Variants in PIP4K2B observed in about 807,000 individuals in gnomAD.
PIP4K2B encodes the protein phosphatidylinositol 5-phosphate 4-kinase type-2 beta.
Under a neutral mutation model 42.0 loss-of-function variants are expected in PIP4K2B, and 3 were observed. The ratio of observed to expected loss-of-function variants is 0.07; its 90% CI spans 0.03 to 0.18. The LOEUF is 0.18. PIP4K2B is among the 10% of genes least tolerant of loss of function. The probability of loss-of-function intolerance (pLI) is 1.00; values close to 1 mark genes in which losing one functional copy is unlikely to be tolerated. For synonymous variants in PIP4K2B, 204 were observed against 210.1 expected, an observed-to-expected ratio of 0.97 and a Z score of 0.25; for missense variants, 332 against 562.3, an observed-to-expected ratio of 0.59 and a Z score of 4.14.
rs1908855658 is a variant in PIP4K2B, at chr17:38,768,931, A to C, written c.*760T>G. ...GGGTTCTCTGAGAACCAGGTGTCCA[A>C]GAGCCCAGCCGCTTTCCTGCCCCTC... On this transcript the variant is annotated 3_prime_UTR_variant, in exon 10 of 10. Transcript: ENST00000619039. The C allele has an allele frequency of 6.6e-6, 1 of 152,646 alleles. No individual in the cohort carries two copies. The highest frequency in any genetic ancestry group is 2.4e-5 in the African/African-American group (1 of 41,458). The allele number at this position is 152,646 out of a possible 1,614,324, so 9.5% of individuals were successfully genotyped here.
intron 1 of PIP4K2B, among the ~76,000 whole-genome samples, chr17:38,793,731 T>C (rs1045002198): frequency 2.0e-5 from 3 of 151,540 alleles, no homozygotes; most frequent in Admixed American, 6.6e-5. Context: ...GTTAGTCGGG[T>C]GTGGTGGCAT....
Position 38,769,060 on chromosome 17 carries a change from C to T in PIP4K2B, c.*631G>A, listed in dbSNP as rs1034768791. The T allele has an allele frequency of 6.6e-6, 1 of 152,624 alleles. No homozygotes were observed. Among genetic ancestry groups the T allele is most frequent in the Admixed American group, 6.5e-5 (1 of 15,312 alleles). 9.5% of individuals were successfully genotyped at this position (152,624 alleles called of 1,614,324 possible). A position where few individuals can be genotyped will look rare whatever the true frequency, so the allele number is the denominator to read the frequency against. On this transcript the variant is annotated 3_prime_UTR_variant, in exon 10 of 10. Coordinates refer to ENST00000619039, the MANE Select transcript of PIP4K2B (RefSeq NM_003559.5). ...TTCCAGACAGGATGGAGGAATAATG[C>T]AACAGTTTTCACTTGAATCCAAGGG... is the stretch of plus-strand genomic sequence containing the variant.
At chr17:38,789,075 C>T (rs776034366) in intron 1 of PIP4K2B, among the ~76,000 whole-genome samples, 2 of 152,110 alleles carry the variant, frequency 1.3e-5, no homozygotes, top group African/African-American at 4.8e-5. Flanking sequence ...GCTGACTGCA[C>T]CACTGCACTG....
At chr17:38,777,233 T>A (rs1255479264) in intron 7 of PIP4K2B, among the ~76,000 whole-genome samples, 1 of 152,110 alleles carries the variant, frequency 6.6e-6, no homozygotes, top group African/African-American at 2.4e-5. Flanking sequence ...CTGGCTAAAT[T>A]TTTTAATTTT....
intron 7 of PIP4K2B, among the ~76,000 whole-genome samples, chr17:38,772,994 G>GA (rs561972054): frequency 7.0e-4 from 106 of 152,134 alleles, no homozygotes; most frequent in South Asian, 2.7e-3. Context: ...TGTGAAGAAG[G>GA]AAAAAAAATT....
At chr17:38,790,620 T>A (rs1332165963) in intron 1 of PIP4K2B, among the ~76,000 whole-genome samples, 3 of 152,118 alleles carry the variant, frequency 2.0e-5, no homozygotes, top group Non-Finnish European at 4.4e-5. Flanking sequence ...CACCATGCCC[T>A]GCTAATTTTT....
chr17:38,791,286 C>T (rs1016250424), intron 1 of PIP4K2B, among the ~76,000 whole-genome samples: 2 of 152,056 alleles, frequency 1.3e-5, no homozygotes, highest in African/African-American at 4.8e-5. Flanking sequence ...GGAGAATCTA[C>T]AAGATCATGC....
At chr17:38,797,855 C>T (rs1910738786) in intron 1 of PIP4K2B, among the ~76,000 whole-genome samples, 1 of 152,150 alleles carries the variant, frequency 6.6e-6, no homozygotes, top group Non-Finnish European at 1.5e-5. Context: ...ACAAACTGGG[C>T]TGGATTGTTG....
intron 7 of PIP4K2B, among the ~76,000 whole-genome samples, chr17:38,772,436 AGTAGCTGTCC>A (rs1909099307): frequency 1.3e-5 from 2 of 152,214 alleles, no homozygotes; most frequent in Admixed American, 1.3e-4. Flanking sequence ...TTAGTCTTTC[AGTAGCTGTCC>A]GTAGCTGTCT....
intron 2 of PIP4K2B, among the ~76,000 whole-genome samples, chr17:38,785,660 CA>C (rs1484882783): frequency 1.3e-5 from 2 of 152,142 alleles, no homozygotes; most frequent in African/African-American, 4.8e-5. Context: ...GCCTGGGCAA[CA>C]AGAGTGAAAC....
At chr17:38,771,379 A>C in intron 7 of PIP4K2B, 107 bp from the exon 8 acceptor site, 2 of 1,303,960 alleles carry the variant, frequency 1.5e-6, no homozygotes, top group African/African-American at 1.5e-5. Flanking sequence ...CAATTCTACA[A>C]ACAGTTTTGA....
At chr17:38,778,448 C>G in intron 5 of PIP4K2B, 76 bp from the exon 6 acceptor site, 1 of 1,336,092 alleles carries the variant, frequency 7.5e-7, no homozygotes, top group Non-Finnish European at 1.1e-6. Context: ...GGAGAGCCAG[C>G]AGGTGAACTC....
At chr17:38,781,974 G>A (rs557987612) in intron 3 of PIP4K2B, among the ~76,000 whole-genome samples, 9 of 152,180 alleles carry the variant, frequency 5.9e-5, no homozygotes, top group Middle Eastern at 3.4e-3. Flanking sequence ...CACCATGCCC[G>A]GCTGATCAGG....
At position 38,799,351 on chromosome 17, in the gene PIP4K2B, T is replaced by TTCTTGG. The variant is rs1236548572; in HGVS notation, c.68_73dup (p.Thr23_Lys24dup). On this transcript the variant is annotated inframe_insertion, in exon 1 of 10. Transcript: ENST00000619039. This position sits in a 1 kb window ranked among gnomAD's most constrained non-coding sequence, Gnocchi z 4.4. Reference sequence around the variant, plus strand: ...CACTTTCTGGCACACGAAATGCTTCTTCTTGGTCTTGGTCTTGCTGGCGCT... The same window carrying TTCTTGG: ...CACTTTCTGGCACACGAAATGCTTCTTCTTGGTCTTGGTCTTGGTCTTGCTGGCGCT... The TTCTTGG allele has an allele frequency of 3.7e-6, 6 of 1,609,418 alleles. No individual in the cohort carries two copies. The highest frequency in any genetic ancestry group is 2.2e-5 in the East Asian group (1 of 44,474).
intron 1 of PIP4K2B, among the ~76,000 whole-genome samples, chr17:38,795,377 CG>C (rs1352509006): frequency 2.0e-5 from 3 of 152,050 alleles, no homozygotes; most frequent in Non-Finnish European, 4.4e-5. Context: ...GAGGCCAAGG[CG>C]GGAGGACCAC....
rs998151652 is a variant in PIP4K2B at position 38,769,848 on chromosome 17, T to A, written c.1171-77A>T. On this transcript the variant is annotated intron_variant, in intron 9 of 9. Coordinates refer to ENST00000619039, the MANE Select transcript of PIP4K2B (RefSeq NM_003559.5). ...AGGCTGCACATGGGGGGAGCCAGGG[T>A]ATTCAGAAGCCTCTTACTCAGTATC... 5.3e-6 allele frequency: 7 copies of A among 1,332,800 alleles called. No homozygotes were observed. In the African/African-American group the frequency reaches 5.8e-5, roughly 11 times the overall value. The allele number at this position is 1,332,800 out of a possible 1,614,324, so 82.6% of individuals were successfully genotyped here. A position where few individuals can be genotyped will look rare whatever the true frequency, so the allele number is the denominator to read the frequency against.
intron 3 of PIP4K2B, 29 bp downstream of exon 3, chr17:38,784,214 T>C (rs761971377): frequency 7.5e-7 from 1 of 1,335,744 alleles, no homozygotes; most frequent in South Asian, 1.2e-5. Context: ...CATTCCCTAA[T>C]CCACTGATGT....
chr17:38,797,530 T>A (rs1217301264), intron 1 of PIP4K2B, among the ~76,000 whole-genome samples: 1 of 152,174 alleles, frequency 6.6e-6, no homozygotes, highest in Non-Finnish European at 1.5e-5. Context: ...ATAAGCGACA[T>A]CTCTTGCTGT....
In PIP4K2B at chr17:38,771,282, G is replaced by T; in HGVS notation, c.808-10C>A. 1.2e-6 allele frequency: 2 copies of T among 1,613,970 alleles called. No homozygotes were observed. Among genetic ancestry groups the T allele is most frequent in the Non-Finnish European group, 1.7e-6 (2 of 1,179,892 alleles). On this transcript the variant is annotated splice_polypyrimidine_tract_variant and intron_variant, in intron 7 of 9. Coordinates refer to ENST00000619039, the MANE Select transcript of PIP4K2B (RefSeq NM_003559.5). ...TCAGCTGTGCCAAGAACTAGGAAGGGCAAGGATGGAAAGATGGAAGGAAGA... is the reference window on the plus strand; with the variant it reads ...TCAGCTGTGCCAAGAACTAGGAAGGTCAAGGATGGAAAGATGGAAGGAAGA...
Sources: allele counts gnomAD v4.1 joint callset (sites outside exome capture counted in the v4.1 genomes callset), GRCh38; gene constraint gnomAD v4.1.1; non-coding constraint Gnocchi (gnomAD v3.1); transcripts MANE v1.5; gene names NCBI Gene and HGNC (gene_info 2026-07-23, HGNC 2026-07-21).